The following ARAP2 variants were observed in gnomAD, a reference collection of about 807,000 sequenced individuals.
ARAP2 encodes the protein ArfGAP with RhoGAP domain, ankyrin repeat and PH domain 2.
Under a neutral mutation model 194.5 loss-of-function variants are expected in ARAP2, and 148 were observed. The ratio of observed to expected loss-of-function variants is 0.76; its 90% CI spans 0.67 to 0.87. The LOEUF (loss-of-function observed/expected upper bound fraction) is 0.87, where lower values mean the gene tolerates loss of function less well. ARAP2 is among the 40% of genes least tolerant of loss of function. ARAP2 has a pLI of 0.00. For synonymous variants in ARAP2, 695 were observed against 683.5 expected (o/e 1.02, Z -0.26); for missense variants, 2,128 against 1,989.7 (o/e 1.07, Z -1.32).
intron 5 of ARAP2, among the ~76,000 whole-genome samples, chr4:36,036,462 A>G (rs139831744): frequency 6.6e-6 from 1 of 152,124 alleles, no homozygotes; most frequent in Admixed American, 6.6e-5. Flanking sequence ...TGAATTTATT[A>G]CATTCTTCAA....
chr4:36,082,398 C>A lies in ARAP2; in HGVS notation c.4509-112G>T, dbSNP rs1007987990. Reference sequence around the variant, plus strand: ...AGATTTAATGGTGGGAATGCATAGACTTCCACAAGTGGTGATTCAATGTGT... The same window carrying A: ...AGATTTAATGGTGGGAATGCATAGAATTCCACAAGTGGTGATTCAATGTGT... On this transcript the variant is annotated intron_variant, in intron 29 of 32. Coordinates refer to ENST00000303965, the MANE Select transcript of ARAP2 (RefSeq NM_015230.4). 1.0e-5 allele frequency: 11 copies of A among 1,059,352 alleles called. No homozygotes were observed. In the East Asian group the frequency reaches 2.6e-4, roughly 25 times the overall value. 65.6% of individuals were successfully genotyped at this position (1,059,352 alleles called of 1,614,324 possible).
At chr4:36,058,008 A>T (rs1329922967) in exon 2 of ARAP2, 2 of 151,444 alleles carry the variant, frequency 1.3e-5, no homozygotes, top group Non-Finnish European at 2.9e-5. Flanking sequence ...GATGATCCTG[A>T]TCCAATGGGA....
At chr4:36,009,516 AGGG>A (rs1000948134) in intron 9 of ARAP2, among the ~76,000 whole-genome samples, 2 of 152,010 alleles carry the variant, frequency 1.3e-5, no homozygotes, top group African/African-American at 4.8e-5. Context: ...GCAATACAAG[AGGG>A]GGGATAAAGG....
rs1450202367 is a variant in ARAP2 at position 36,014,312 on chromosome 4, A to AAGAAAGAG, written n.1056+1073_1056+1074insCTCTTTCT. ...AAGAAAGAAAGAAGAGAAGGAAGGA[A>AAGAAAGAG]AGAAAGAAAGAGAGAAAGAAAGAAA... On this transcript the variant is annotated intron_variant and non_coding_transcript_variant, in intron 8 of 12. Coordinates refer to the ARAP2 transcript ENST00000503225. Among the ~76,000 whole-genome samples, 186 of 76,988 alleles carry AAGAAAGAG rather than the reference A, an allele frequency of 2.4e-3. 5 individuals are homozygous for AAGAAAGAG. The highest frequency in any genetic ancestry group is 9.6e-3 in the East Asian group (20 of 2,082). 50.5% of individuals were successfully genotyped at this position (76,988 alleles called of 152,430 possible).
chr4:36,221,115 C>A (rs1749077645), intron 2 of ARAP2, among the ~76,000 whole-genome samples: 1 of 152,060 alleles, frequency 6.6e-6, no homozygotes, highest in Non-Finnish European at 1.5e-5. Context: ...TATTGTCTTA[C>A]AATTTCCTAC....
At chr4:36,018,113 A>G (rs908347353) in intron 6 of ARAP2, among the ~76,000 whole-genome samples, 7 of 152,150 alleles carry the variant, frequency 4.6e-5, no homozygotes, top group African/African-American at 1.7e-4. Flanking sequence ...AAGTATACAA[A>G]GTTTAAAATG....
At position 36,193,629 on chromosome 4, in the gene ARAP2, C is replaced by G. The variant is rs770792346; in HGVS notation, c.1506G>C (p.Lys502Asn). 1 of 1,602,736 alleles carries G rather than the reference C, an allele frequency of 6.2e-7. No homozygotes were observed. The highest frequency in any genetic ancestry group is 8.5e-7 in the Non-Finnish European group (1 of 1,174,998). ...TAAGGCCATCAAATTTCACCCATCT[C>G]TTTTGAAACATGCGTTTTCTGCAAA... Reference protein sequence around the residue: ...LSPQGKRMFQKRWVKFDGLSI... With the variant: ...LSPQGKRMFQNRWVKFDGLSI... The change falls in exon 7 of 33, where the codon AAG becomes AAC. Residue 502 changes from lysine to asparagine, a missense_variant. Coordinates refer to ENST00000303965, the MANE Select transcript of ARAP2 (RefSeq NM_015230.4).
At chr4:36,098,788 C>G (rs1716032685) in intron 27 of ARAP2, among the ~76,000 whole-genome samples, 1 of 152,006 alleles carries the variant, frequency 6.6e-6, no homozygotes, top group Non-Finnish European at 1.5e-5. Context: ...CCAACTACTT[C>G]AGTCCATATT....
chr4:36,177,973 T>G lies in ARAP2; in HGVS notation c.1711A>C (p.Asn571His), dbSNP rs753993849. 21 of 1,611,100 alleles carry G rather than the reference T, an allele frequency of 1.3e-5. No individual in the cohort carries two copies. In the African/African-American group the frequency reaches 2.8e-4, roughly 22 times the overall value. Residue 571 changes from asparagine to histidine, a missense_variant, in exon 9 of 33, where the codon AAT becomes CAT. Transcript: ENST00000303965. ...ERNDWISILLNALKSQSLTSQ... is the reference protein window; with the variant it reads ...ERNDWISILLHALKSQSLTSQ... ...GTAAGGGATTGTGATTTCAGTGCAT[T>G]TAATAGTATGCTGATCCAGTCATTT...
chr4:36,090,904 C>CA (rs1247124131), intron 28 of ARAP2, among the ~76,000 whole-genome samples: 3 of 150,716 alleles, frequency 2.0e-5, no homozygotes, highest in Admixed American at 6.6e-5. Context: ...ACTTAAAAAC[C>CA]AAAAAAAAAT....
At chr4:36,099,170 C>A (rs1716165867) in intron 27 of ARAP2, among the ~76,000 whole-genome samples, 1 of 151,932 alleles carries the variant, frequency 6.6e-6, no homozygotes, top group Non-Finnish European at 1.5e-5. Flanking sequence ...TTTCTGTTCC[C>A]GTGTTAGTTT....
chr4:36,239,440 C>A (rs558909593), intron 1 of ARAP2, among the ~76,000 whole-genome samples: 1 of 152,232 alleles, frequency 6.6e-6, no homozygotes, highest in South Asian at 2.1e-4. Context: ...AAATGAAATA[C>A]TAAGCAGCCT....
intron 9 of ARAP2, among the ~76,000 whole-genome samples, chr4:36,171,968 G>T (rs1299463270): frequency 6.6e-6 from 1 of 152,120 alleles, no homozygotes; most frequent in Non-Finnish European, 1.5e-5. Context: ...AAATAGGCAT[G>T]AGCCAGGGAT....
intron 9 of ARAP2, among the ~76,000 whole-genome samples, chr4:36,010,789 G>A (rs190611354): frequency 6.6e-5 from 10 of 152,202 alleles, no homozygotes; most frequent in South Asian, 4.2e-4. Context: ...TCTGACTTGC[G>A]GGATATATGG....
chr4:36,070,099 A>G (rs1264959366), intron 32 of ARAP2, among the ~76,000 whole-genome samples: 1 of 152,122 alleles, frequency 6.6e-6, no homozygotes, highest in Non-Finnish European at 1.5e-5. Flanking sequence ...TTCATAAATT[A>G]CCCAGTCTCA....
At chr4:36,131,824 AGTGACT>A (rs916439673) in intron 20 of ARAP2, among the ~76,000 whole-genome samples, 1 of 151,792 alleles carries the variant, frequency 6.6e-6, no homozygotes, top group African/African-American at 2.4e-5. Context: ...ACTAACACTG[AGTGACT>A]GTAACAAATG....
rs759768125 is a variant in ARAP2 at position 36,238,869 on chromosome 4, C to CA, written c.-160+5309dup. On this transcript the variant is annotated intron_variant, in intron 1 of 32. Coordinates refer to ENST00000303965, the MANE Select transcript of ARAP2 (RefSeq NM_015230.4). ...TTGATATAATGCAACAATATGAAGCCAAAATCAAATAATCAAATATGACCA... is the reference window on the plus strand; with the variant it reads ...TTGATATAATGCAACAATATGAAGCCAAAAATCAAATAATCAAATATGACCA... Among the ~76,000 whole-genome samples the CA allele has an allele frequency of 3.3e-5, 5 of 152,092 alleles. No homozygotes were observed. The East Asian group carries it at 9.6e-4, about 29-fold the overall frequency.
intron 1 of ARAP2, among the ~76,000 whole-genome samples, chr4:36,239,394 T>C (rs116768714): frequency 2.6e-4 from 40 of 152,170 alleles, no homozygotes; most frequent in Non-Finnish European, 5.0e-4. Flanking sequence ...AATGGATGAA[T>C]GGATGAATGG....
intron 15 of ARAP2, among the ~76,000 whole-genome samples, chr4:36,152,388 A>G (rs1198900551): frequency 1.3e-5 from 2 of 152,238 alleles, no homozygotes; most frequent in Non-Finnish European, 2.9e-5. Flanking sequence ...TTTCTAAAAT[A>G]TAAGAAAAGG....
Sources: allele counts gnomAD v4.1 joint callset (sites outside exome capture counted in the v4.1 genomes callset), GRCh38; gene constraint gnomAD v4.1.1; transcripts MANE v1.5; gene names NCBI Gene and HGNC (gene_info 2026-07-23, HGNC 2026-07-21).